The following LAG3 variants were observed in gnomAD, a reference collection of about 807,000 sequenced individuals.
The protein encoded by LAG3 is lymphocyte activating 3.
Under a neutral mutation model 49.0 loss-of-function variants are expected in LAG3, and 29 were observed. The ratio of observed to expected loss-of-function variants is 0.59; its 90% CI spans 0.44 to 0.81. LAG3 has a LOEUF of 0.81. Among genes scored for constraint, LAG3 ranks in the 30% least tolerant of loss-of-function variants. The pLI is 0.00. For missense variants in LAG3, 693 were observed against 695.2 expected (o/e 1.00, Z 0.04); for synonymous variants, 320 against 297.3 (o/e 1.08, Z -0.79).
In LAG3 at chr12:6,777,906, C is replaced by T. The variant is rs772513385; in HGVS notation, c.1416C>T (p.His472=). 2.5e-6 allele frequency: 4 copies of T among 1,613,690 alleles called. No individual in the cohort carries two copies. The East Asian group carries it at 8.9e-5, about 36-fold the overall frequency. The change falls in exon 7 of 8, where the codon CAC becomes CAT. Residue 472 remains histidine, a synonymous_variant. Transcript: ENST00000203629. ...TGGTGACTGGAGCCTTTGGCTTTCACCTTTGGAGAAGACAGGTGAGCCAGG... is the reference window on the plus strand; with the variant it reads ...TGGTGACTGGAGCCTTTGGCTTTCATCTTTGGAGAAGACAGGTGAGCCAGG... ...LLLVTGAFGF[H]LWRRQWRPRR...
In LAG3 at chr12:6,775,363, G is replaced by A. The variant is rs199709735; in HGVS notation, c.872G>A (p.Arg291Gln). ...PCRLPAGVGT[R>Q]SFLTAKWTPP... ...CGCCTGCCTGCTGGTGTGGGGACCC[G>A]GTCTTTCCTCACTGCCAAGTGGACT... is the stretch of plus-strand genomic sequence containing the variant. Residue 291 changes from arginine to glutamine, a missense_variant, in exon 5 of 8, where the codon CGG becomes CAG. Arg to Gln is a conservative substitution (Grantham distance 43, BLOSUM62 1). Coordinates refer to ENST00000203629, the MANE Select transcript of LAG3 (RefSeq NM_002286.6). 1.0e-4 allele frequency: 163 copies of A among 1,614,078 alleles called. No homozygotes were observed. In the Admixed American group the frequency reaches 1.2e-3, roughly 11 times the overall value.
At chr12:6,774,448 A>T (rs1419290060) in intron 3 of LAG3, 147 bp from the exon 4 acceptor site, 11 of 892,312 alleles carry the variant, frequency 1.2e-5, no homozygotes, top group Non-Finnish European at 1.8e-5. Flanking sequence ...AGGTGCTGGA[A>T]GCTGAGATGG....
intron 7 of LAG3, 89 bp downstream of exon 7, chr12:6,778,010 G>C (rs1264185954): frequency 6.3e-7 from 1 of 1,576,164 alleles, no homozygotes; most frequent in Non-Finnish European, 8.7e-7. Context: ...TCAGGAAGGT[G>C]ACCAAATGGG....
At chr12:6,776,676 A>G (rs1941909961) in intron 5 of LAG3, among the ~76,000 whole-genome samples, 1 of 152,152 alleles carries the variant, frequency 6.6e-6, no homozygotes, top group South Asian at 2.1e-4. Flanking sequence ...TACCTTCAGA[A>G]AGGGGGATGA....
intron 4 of LAG3, 145 bp downstream of exon 4, chr12:6,775,009 T>A: frequency 1.1e-6 from 1 of 905,348 alleles, no homozygotes; most frequent in Non-Finnish European, 1.7e-6. Context: ...GACCCCTTTA[T>A]ATTGCTGGCA....
Position 6,772,630 on chromosome 12 carries a change from G to T in LAG3, c.-223G>T. On this transcript the variant is annotated 5_prime_UTR_variant, in exon 1 of 8. Transcript: ENST00000203629. Reference sequence around the variant, plus strand: ...ACCCCCGCCCCCACCTCCTCAGGCTGCCTGATCTGCCCAGCTTTCCAGCTT... The same window carrying T: ...ACCCCCGCCCCCACCTCCTCAGGCTTCCTGATCTGCCCAGCTTTCCAGCTT... 5 of 483,326 alleles carry T rather than the reference G, an allele frequency of 1.0e-5. No homozygotes were observed. The highest frequency in any genetic ancestry group is 6.9e-5 in the South Asian group (2 of 29,142). The allele number at this position is 483,326 out of a possible 1,614,324, so 29.9% of individuals were successfully genotyped here.
Position 6,778,441 on chromosome 12 carries a change from C to T in LAG3, c.*51C>T, listed in dbSNP as rs1158436358. 6.3e-7 allele frequency: 1 copy of T among 1,585,218 alleles called. No individual in the cohort carries two copies. Among genetic ancestry groups the T allele is most frequent in the East Asian group, 2.2e-5 (1 of 44,652 alleles). Reference sequence around the variant, plus strand: ...CTCAGCAGCCCAGTCCAAATAAACTCCCTGTCAGCAGCAAGCCTGAGTCTG... The same window carrying T: ...CTCAGCAGCCCAGTCCAAATAAACTTCCTGTCAGCAGCAAGCCTGAGTCTG... On this transcript the variant is annotated 3_prime_UTR_variant, in exon 8 of 8. Transcript: ENST00000203629.
Position 6,773,802 on chromosome 12 carries a change from G to A in LAG3, c.312G>A (p.Val104=). The change falls in exon 3 of 8, where the codon GTG becomes GTA. Residue 104 remains valine, a synonymous_variant. Transcript: ENST00000203629. This position sits in a 1 kb window ranked among gnomAD's most constrained non-coding sequence, Gnocchi z 5.5. ...CCCGCCGCTACACGGTGCTGAGCGT[G>A]GGTCCCGGAGGCCTGCGCAGCGGGA... ...PRPRRYTVLS[V]GPGGLRSGRL... is the part of the protein sequence containing the mutation. The A allele has an allele frequency of 7.2e-7, 1 of 1,395,486 alleles. No individual in the cohort carries two copies. The highest frequency in any genetic ancestry group is 2.6e-4 in the Middle Eastern group (1 of 3,884). 86.4% of individuals were successfully genotyped at this position (1,395,486 alleles called of 1,614,324 possible).
At chr12:6,775,636 C>A (rs1447833556) in intron 5 of LAG3, 88 bp downstream of exon 5, 6 of 1,358,878 alleles carry the variant, frequency 4.4e-6, no homozygotes, top group Admixed American at 4.0e-5. Context: ...CTAGGCAAAC[C>A]CACCCTGTGA....
rs114148223 is a variant in LAG3 at position 6,775,106 on chromosome 12, A to G, written c.782-167A>G. ...CTTCCCTCTCCTTCCGGCTAAGCCC[A>G]CTTGCTGGGTTTCTGAGCCTCCTCA... On this transcript the variant is annotated intron_variant, in intron 4 of 7. Coordinates refer to ENST00000203629, the MANE Select transcript of LAG3 (RefSeq NM_002286.6). Among the ~76,000 whole-genome samples, 1,432 of 152,096 alleles carry G rather than the reference A, an allele frequency of 9.4e-3. 11 individuals are homozygous for G. Among genetic ancestry groups the G allele is most frequent in the African/African-American group, 0.033 (1,354 of 41,488 alleles).
Position 6,775,493 on chromosome 12 carries a change from T to C in LAG3, c.1002T>C (p.His334=), listed in dbSNP as rs546005961. Residue 334 remains histidine, a synonymous_variant, in exon 5 of 8, where the codon CAT becomes CAC. Transcript: ENST00000203629. ...CCCAGGCTGGGACCTACACCTGCCA[T>C]ATCCATCTGCAGGAACAGCAGCTCA... is the stretch of plus-strand genomic sequence containing the variant. ...SQAQAGTYTC[H]IHLQEQQLNA... is the part of the protein sequence containing the mutation. 10 of 1,614,196 alleles carry C rather than the reference T, an allele frequency of 6.2e-6. No homozygotes were observed. Among genetic ancestry groups the C allele is most frequent in the African/African-American group, 4.0e-5 (3 of 75,048 alleles).
chr12:6,776,732 C>T (rs537408980), intron 5 of LAG3, among the ~76,000 whole-genome samples: 3 of 152,304 alleles, frequency 2.0e-5, no homozygotes, highest in East Asian at 3.9e-4. Context: ...TGATGTGAGC[C>T]GCATCATGGA....
chr12:6,777,363 A>G lies in LAG3; in HGVS notation c.1157A>G (p.Asp386Gly). The G allele has an allele frequency of 6.2e-7, 1 of 1,614,086 alleles. No individual in the cohort carries two copies. Among genetic ancestry groups the G allele is most frequent in the Non-Finnish European group, 8.5e-7 (1 of 1,179,994 alleles). The change falls in exon 6 of 8, where the codon GAC (aspartate) becomes GGC (glycine). Residue 386 changes from aspartate to glycine, a missense_variant. Physicochemically the swap from Asp to Gly is moderately conservative, Grantham distance 94 (BLOSUM62 -1). Coordinates refer to ENST00000203629, the MANE Select transcript of LAG3 (RefSeq NM_002286.6). The part of the protein sequence containing the change: ...GQERFVWSSL[D>G]TPSQRSFSGP... ...GAACGCTTTGTGTGGAGCTCTCTGG[A>G]CACCCCATCCCAGAGGAGTTTCTCA...
At chr12:6,778,025 T>A in intron 7 of LAG3, 104 bp downstream of exon 7, 1 of 1,545,384 alleles carries the variant, frequency 6.5e-7, no homozygotes, top group Non-Finnish European at 8.8e-7. Context: ...AATGGGACCC[T>A]GAACTTGCCC....
At chr12:6,776,593 C>A (rs976684082) in intron 5 of LAG3, among the ~76,000 whole-genome samples, 1 of 152,188 alleles carries the variant, frequency 6.6e-6, no homozygotes, top group Non-Finnish European at 1.5e-5. Context: ...TCTCCTCCCA[C>A]CCACCCATCT....
Position 6,773,358 on chromosome 12 carries a change from G to A in LAG3, c.206+19G>A. 1 of 1,612,620 alleles carries A rather than the reference G, an allele frequency of 6.2e-7. No individual in the cohort carries two copies. The highest frequency in any genetic ancestry group is 1.1e-5 in the South Asian group (1 of 91,020). On this transcript the variant is annotated intron_variant, in intron 2 of 7. Coordinates refer to ENST00000203629, the MANE Select transcript of LAG3 (RefSeq NM_002286.6). This position sits in a 1 kb window ranked among gnomAD's most constrained non-coding sequence, Gnocchi z 5.5. The stretch of plus-strand genomic sequence containing the variant: ...CAGACAGGTATGCACCCCAAACTTG[G>A]GCAACAGGACCTCCGAATCCAGCAC...
In LAG3 at chr12:6,778,413, G is replaced by T. The variant is rs1255859569; in HGVS notation, c.*23G>T. On this transcript the variant is annotated 3_prime_UTR_variant, in exon 8 of 8. Transcript: ENST00000203629. ...TGACCTGGAGCTGAGGCAGCCAGCA[G>T]ATCTCAGCAGCCCAGTCCAAATAAA... 2 of 1,604,772 alleles carry T rather than the reference G, an allele frequency of 1.2e-6. No homozygotes were observed. Among genetic ancestry groups the T allele is most frequent in the African/African-American group, 1.3e-5 (1 of 74,844 alleles).
At chr12:6,778,154 A>T in intron 7 of LAG3, 90 bp from the exon 8 acceptor site, 1 of 1,387,622 alleles carries the variant, frequency 7.2e-7, no homozygotes, top group Non-Finnish European at 9.9e-7. Context: ...GCTGAGAAAA[A>T]ATAGAGGGAC....
At chr12:6,772,953 G>A in intron 1 of LAG3, 43 bp downstream of exon 1, 1 of 1,593,610 alleles carries the variant, frequency 6.3e-7, no homozygotes, top group Non-Finnish European at 8.6e-7. Flanking sequence ...AGCCCCACAG[G>A]AGGGGACCAG....
Sources: allele counts gnomAD v4.1 joint callset (sites outside exome capture counted in the v4.1 genomes callset), GRCh38; gene constraint gnomAD v4.1.1; non-coding constraint Gnocchi (gnomAD v3.1); transcripts MANE v1.5; gene names NCBI Gene and HGNC (gene_info 2026-07-23, HGNC 2026-07-21).